The following LMTK2 variants were observed in gnomAD, a reference collection of about 807,000 sequenced individuals.
The protein encoded by LMTK2 is serine/threonine-protein kinase LMTK2.
In LMTK2, 37 loss-of-function variants were observed where a neutral mutation model predicts 127.5. That is an observed-to-expected ratio of 0.29 (90% confidence interval 0.22 to 0.38). The LOEUF (loss-of-function observed/expected upper bound fraction) is 0.38. Ranked by LOEUF, LMTK2 falls within the 10% of genes least tolerant of loss-of-function variation. The pLI is 1.00. For synonymous variants in LMTK2, 819 were observed against 810.1 expected (o/e 1.01, Z -0.19); for missense variants, 1,694 against 1,920.3 (o/e 0.88, Z 2.20).
intron 7 of LMTK2, among the ~76,000 whole-genome samples, chr7:98,175,815 T>TA (rs1006542723): frequency 2.0e-5 from 3 of 152,236 alleles, no homozygotes; most frequent in Non-Finnish European, 4.4e-5. Flanking sequence ...GCCGAGTAGC[T>TA]ACACTGGGAA....
intron 1 of LMTK2, among the ~76,000 whole-genome samples, chr7:98,134,540 C>T (rs1245599004): frequency 6.6e-6 from 1 of 152,026 alleles, no homozygotes; most frequent in Non-Finnish European, 1.5e-5. Context: ...AGCAGTCTGG[C>T]GCAGTGGCTC....
intron 7 of LMTK2, among the ~76,000 whole-genome samples, chr7:98,179,621 C>A (rs553278544): frequency 1.7e-5 from 2 of 120,088 alleles, no homozygotes. Context: ...CTTTCTCCCT[C>A]CCTCCCTTTC....
At chr7:98,204,825 A>G (rs1007460520) in intron 13 of LMTK2, among the ~76,000 whole-genome samples, 1 of 151,970 alleles carries the variant, frequency 6.6e-6, no homozygotes, top group Non-Finnish European at 1.5e-5. Flanking sequence ...CCTCCTCCGC[A>G]CTCTGTCTCC....
chr7:98,192,391 G>A lies in LMTK2; in HGVS notation c.1926G>A (p.Ser642=), dbSNP rs747719529. 46 of 1,609,656 alleles carry A rather than the reference G, an allele frequency of 2.9e-5. No individual in the cohort carries two copies. The highest frequency in any genetic ancestry group is 1.6e-4 in the Middle Eastern group (1 of 6,064). The change falls in exon 11 of 14, where the codon TCG becomes TCA. Residue 642 remains serine, a synonymous_variant. Transcript: ENST00000297293. ...ATATATTTAATGATGTGGACAAATC[G>A]GAAGATTTGCCCAGTCACCAAAAAA... ...FNNIFNDVDK[S]EDLPSHQKIF...
At chr7:98,161,879 T>G (rs557896285) in intron 6 of LMTK2, among the ~76,000 whole-genome samples, 1 of 152,280 alleles carries the variant, frequency 6.6e-6, no homozygotes, top group African/African-American at 2.4e-5. Context: ...TTATATTAAT[T>G]ATAAATAACA....
intron 1 of LMTK2, among the ~76,000 whole-genome samples, chr7:98,132,990 T>G (rs536234850): frequency 5.9e-5 from 9 of 152,360 alleles, no homozygotes; most frequent in African/African-American, 1.9e-4. Context: ...CTAAAACAGA[T>G]AATATGTACC....
At chr7:98,165,327 G>A (rs1797078648) in intron 6 of LMTK2, among the ~76,000 whole-genome samples, 1 of 152,202 alleles carries the variant, frequency 6.6e-6, no homozygotes, top group Non-Finnish European at 1.5e-5. Context: ...GTCTACAGAT[G>A]AGGAAACCAA....
At chr7:98,169,573 T>A (rs1797154266) in intron 6 of LMTK2, among the ~76,000 whole-genome samples, 1 of 152,156 alleles carries the variant, frequency 6.6e-6, no homozygotes, top group Non-Finnish European at 1.5e-5. Flanking sequence ...GGCGGAGGGG[T>A]TAGGCAGAAG....
chr7:98,175,471 GGCTGTGTTCT>G (rs1308179083), intron 7 of LMTK2, among the ~76,000 whole-genome samples: 1 of 152,356 alleles, frequency 6.6e-6, no homozygotes, highest in East Asian at 1.9e-4. Context: ...AAGGCCTTCA[GGCTGTGTTCT>G]GTAGGCAGTA....
chr7:98,157,422 GAC>G (rs1218462074), intron 5 of LMTK2, among the ~76,000 whole-genome samples: 1 of 152,024 alleles, frequency 6.6e-6, no homozygotes, highest in East Asian at 1.9e-4. Context: ...CAGCCAAGGT[GAC>G]ACACAAAATT....
chr7:98,198,646 G>A (rs185748775), intron 11 of LMTK2, among the ~76,000 whole-genome samples: 26 of 152,110 alleles, frequency 1.7e-4, no homozygotes, highest in African/African-American at 4.8e-4. Context: ...GCCCACCACC[G>A]TGCCTGGCTA....
chr7:98,190,954 G>T, intron 10 of LMTK2, 77 bp downstream of exon 10: 5 of 1,380,646 alleles, frequency 3.6e-6, no homozygotes, highest in Non-Finnish European at 5.1e-6. Flanking sequence ...AAATTCGTGG[G>T]CCAAATATTA....
At chr7:98,118,960 C>T (rs576126874) in intron 1 of LMTK2, among the ~76,000 whole-genome samples, 6 of 152,120 alleles carry the variant, frequency 3.9e-5, no homozygotes, top group Admixed American at 2.6e-4. Flanking sequence ...GGTGTGGTGG[C>T]GGGTGCCTGT....
At chr7:98,151,780 A>G (rs1796860276) in intron 4 of LMTK2, among the ~76,000 whole-genome samples, 1 of 152,208 alleles carries the variant, frequency 6.6e-6, no homozygotes, top group South Asian at 2.1e-4. Flanking sequence ...CTGAATCCGG[A>G]TCAGGTGAAG....
chr7:98,134,992 G>C (rs1224994274), intron 1 of LMTK2, among the ~76,000 whole-genome samples: 1 of 152,136 alleles, frequency 6.6e-6, no homozygotes, highest in East Asian at 1.9e-4. Flanking sequence ...AACACCCCTT[G>C]GTTAACTGTA....
At chr7:98,128,503 A>G (rs768744535) in intron 1 of LMTK2, among the ~76,000 whole-genome samples, 1 of 151,242 alleles carries the variant, frequency 6.6e-6, no homozygotes, top group Non-Finnish European at 1.5e-5. Flanking sequence ...TGCTGTTGAA[A>G]CCCCCAGCCT....
intron 3 of LMTK2, among the ~76,000 whole-genome samples, chr7:98,143,561 T>TAAAGAAATGCTGACTTAGCTG (rs998773541): frequency 6.6e-6 from 1 of 152,144 alleles, no homozygotes; most frequent in Non-Finnish European, 1.5e-5. Context: ...CGTTATTAAT[T>TAAAGAAATGCTGACTTAGCTG]AAAGAAATGC....
Position 98,193,045 on chromosome 7 carries a change from A to G in LMTK2, c.2580A>G (p.Pro860=). ...PEDCLHQDIS[P]DAVTVPVEIL... ...ACTGTCTCCACCAGGACATCAGTCC[A>G]GACGCTGTGACTGTCCCGGTTGAAA... The change falls in exon 11 of 14, where the codon CCA becomes CCG. Residue 860 remains proline (P), a synonymous_variant. Coordinates refer to ENST00000297293, the MANE Select transcript of LMTK2 (RefSeq NM_014916.4). The surrounding 1 kb of genome is among the most constrained non-coding windows in gnomAD (Gnocchi z 4.1). 1 of 1,614,010 alleles carries G rather than the reference A, an allele frequency of 6.2e-7. No individual in the cohort carries two copies. Among genetic ancestry groups the G allele is most frequent in the Non-Finnish European group, 8.5e-7 (1 of 1,180,018 alleles).
chr7:98,160,032 C>A (rs1020630303), intron 6 of LMTK2, among the ~76,000 whole-genome samples: 1 of 152,120 alleles, frequency 6.6e-6, no homozygotes, highest in Admixed American at 6.5e-5. Context: ...GTAGTAATTT[C>A]TATGTGAAAT....
Sources: allele counts gnomAD v4.1 joint callset (sites outside exome capture counted in the v4.1 genomes callset), GRCh38; gene constraint gnomAD v4.1.1; non-coding constraint Gnocchi (gnomAD v3.1); transcripts MANE v1.5; gene names NCBI Gene and HGNC (gene_info 2026-07-23, HGNC 2026-07-21).